CNTNAP2: variants seen among roughly 807,000 people sequenced by gnomAD.
CNTNAP2 encodes the protein contactin associated protein 2.
CNTNAP2 carries 98 observed loss-of-function variants against 155.2 expected under a neutral mutation model. That is an observed-to-expected ratio of 0.63 (90% confidence interval 0.54 to 0.75). The LOEUF (loss-of-function observed/expected upper bound fraction) is 0.75, where lower values mean the gene tolerates loss of function less well. Among genes scored for constraint, CNTNAP2 ranks in the 30% least tolerant of loss-of-function variants. CNTNAP2 has a pLI of 0.00. For synonymous variants in CNTNAP2, 651 were observed against 631.2 expected (o/e 1.03, Z -0.47); for missense variants, 1,727 against 1,688.1 (o/e 1.02, Z -0.40).
chr7:147,441,341 T>C (rs1797633035), intron 10 of CNTNAP2, among the ~76,000 whole-genome samples: 1 of 152,170 alleles, frequency 6.6e-6, no homozygotes, highest in South Asian at 2.1e-4. Context: ...ATTTATCTGA[T>C]AGAATTCTGA....
chr7:148,295,742 C>T (rs1797270983), intron 21 of CNTNAP2, among the ~76,000 whole-genome samples: 10 of 151,978 alleles, frequency 6.6e-5, no homozygotes, highest in Admixed American at 6.6e-4. Context: ...CCATCCGCCT[C>T]GGCCTCCCAA....
intron 1 of CNTNAP2, among the ~76,000 whole-genome samples, chr7:146,770,893 T>C (rs937473598): frequency 1.3e-5 from 2 of 152,186 alleles, no homozygotes; most frequent in African/African-American, 4.8e-5. Flanking sequence ...ATCCATTGGA[T>C]ATTCACTCTT....
In CNTNAP2 at chr7:147,279,161, C is replaced by G. The variant is rs1329273340; in HGVS notation, c.1349-20980C>G. 2.0e-5 allele frequency among the ~76,000 whole-genome samples: 3 copies of G among 151,520 alleles called. No individual in the cohort carries two copies. The East Asian group carries it at 5.8e-4, about 29-fold the overall frequency. On this transcript the variant is annotated intron_variant, in intron 8 of 23. Coordinates refer to ENST00000361727, the MANE Select transcript of CNTNAP2 (RefSeq NM_014141.6). ...CATAAATTTACTAGTGATAGATATA[C>G]TTGGATTTCAGATAATGCACTAAAA...
intron 2 of CNTNAP2, among the ~76,000 whole-genome samples, chr7:146,816,124 G>A (rs1803165480): frequency 6.6e-6 from 1 of 152,148 alleles, no homozygotes; most frequent in African/African-American, 2.4e-5. Context: ...GTATTCCATG[G>A]TGTATATGTG....
intron 9 of CNTNAP2, among the ~76,000 whole-genome samples, chr7:147,346,671 C>CT (rs1313683281): frequency 6.6e-6 from 1 of 152,114 alleles, no homozygotes; most frequent in Admixed American, 6.5e-5. Flanking sequence ...ATCTCAGAAA[C>CT]TTCAGGGACT....
chr7:146,623,478 A>G (rs1009433740), intron 1 of CNTNAP2, among the ~76,000 whole-genome samples: 6 of 152,166 alleles, frequency 3.9e-5, no homozygotes, highest in African/African-American at 1.4e-4. Context: ...CCCTCTCTGT[A>G]GTTTTGTCTG....
chr7:147,096,462 T>G (rs1800536738), intron 4 of CNTNAP2, among the ~76,000 whole-genome samples: 1 of 152,222 alleles, frequency 6.6e-6, no homozygotes, highest in South Asian at 2.1e-4. Flanking sequence ...ATGGCTGAGC[T>G]TTTAATCTCT....
At chr7:146,802,984 T>C (rs567878629) in intron 2 of CNTNAP2, among the ~76,000 whole-genome samples, 1 of 152,124 alleles carries the variant, frequency 6.6e-6, no homozygotes, top group South Asian at 2.1e-4. Flanking sequence ...ATGAAGATTA[T>C]ATTGAGAAGC....
At chr7:147,159,143 G>A (rs143144256) in intron 8 of CNTNAP2, among the ~76,000 whole-genome samples, 5 of 152,004 alleles carry the variant, frequency 3.3e-5, no homozygotes, top group Admixed American at 6.6e-5. Context: ...CAATTTTAGA[G>A]GTTTCTGAAG....
intron 9 of CNTNAP2, among the ~76,000 whole-genome samples, chr7:147,301,594 G>C (rs2692184): frequency 0.019 from 94 of 5,022 alleles, no homozygotes; most frequent in Admixed American, 0.042. Context: ...CTCTCTCTCT[G>C]TGTGTGTGTG....
chr7:146,136,007 G>A (rs779787656), intron 1 of CNTNAP2, among the ~76,000 whole-genome samples: 2 of 151,956 alleles, frequency 1.3e-5, no homozygotes, highest in African/African-American at 2.4e-5. Context: ...TAAGCTTACC[G>A]ATATGTAAAT....
chr7:147,656,001 A>C (rs1275096502), intron 13 of CNTNAP2, among the ~76,000 whole-genome samples: 1 of 152,226 alleles, frequency 6.6e-6, no homozygotes, highest in Non-Finnish European at 1.5e-5. Context: ...CTATATCAGC[A>C]TTTGCTGTTT....
chr7:146,576,973 T>C (rs1268302086), intron 1 of CNTNAP2, among the ~76,000 whole-genome samples: 1 of 152,182 alleles, frequency 6.6e-6, no homozygotes, highest in Non-Finnish European at 1.5e-5. Context: ...CAGGCTTTCA[T>C]TCAGAATTTC....
chr7:147,151,581 A>G (rs1261745766), intron 8 of CNTNAP2, among the ~76,000 whole-genome samples: 2 of 152,170 alleles, frequency 1.3e-5, no homozygotes, highest in African/African-American at 2.4e-5. Context: ...TAATGGCCTT[A>G]AGTTTAGTGT....
chr7:146,758,606 G>A (rs1384591602), intron 1 of CNTNAP2, among the ~76,000 whole-genome samples: 1 of 152,160 alleles, frequency 6.6e-6, no homozygotes, highest in African/African-American at 2.4e-5. Context: ...GCAGGCAAGA[G>A]AAGAGAGCTT....
At chr7:146,886,683 G>A (rs1468032455) in intron 3 of CNTNAP2, among the ~76,000 whole-genome samples, 1 of 150,954 alleles carries the variant, frequency 6.6e-6, no homozygotes, top group African/African-American at 2.4e-5. Flanking sequence ...GTGCCAAGTA[G>A]GAATCTGCTT....
At chr7:147,470,827 A>G (rs1798203933) in intron 10 of CNTNAP2, among the ~76,000 whole-genome samples, 1 of 152,084 alleles carries the variant, frequency 6.6e-6, no homozygotes, top group Admixed American at 6.5e-5. Flanking sequence ...GGTTAATATA[A>G]TCTGATGTCC....
intron 16 of CNTNAP2, among the ~76,000 whole-genome samples, chr7:148,132,522 C>T (rs1488714948): frequency 6.6e-6 from 1 of 151,978 alleles, no homozygotes; most frequent in Non-Finnish European, 1.5e-5. Context: ...CATTCCATAG[C>T]TAACCGTAAA....
At chr7:147,223,805 G>T (rs1351968408) in intron 8 of CNTNAP2, among the ~76,000 whole-genome samples, 1 of 151,890 alleles carries the variant, frequency 6.6e-6, no homozygotes, top group Non-Finnish European at 1.5e-5. Context: ...GCTGGGTGTG[G>T]TGGCACACAC....
Sources: gnomAD v4.1 joint callset for allele counts (sites outside exome capture counted in the v4.1 genomes callset) on GRCh38, gnomAD v4.1.1 for gene constraint, MANE v1.5 for transcripts, NCBI Gene and HGNC (gene_info 2026-07-23, HGNC 2026-07-21) for gene names.